LIPC: variants seen among roughly 807,000 people sequenced by gnomAD.
The protein encoded by LIPC is hepatic triacylglycerol lipase.
Under a neutral mutation model 50.7 loss-of-function variants are expected in LIPC, and 44 were observed. That is an observed-to-expected ratio of 0.87 (90% CI 0.68 to 1.11). LIPC has a LOEUF of 1.11. Ranked by LOEUF, LIPC falls within the 50% of genes most tolerant of loss-of-function variation. The pLI is 0.00. For synonymous variants in LIPC, 271 were observed against 256.4 expected (o/e 1.06, Z -0.54); for missense variants, 697 against 648.2 (o/e 1.08, Z -0.82).
At chr15:58,451,369 AT>A (rs1893893520) in intron 1 of LIPC, among the ~76,000 whole-genome samples, 3 of 152,366 alleles carry the variant, frequency 2.0e-5, no homozygotes, top group Admixed American at 2.0e-4. Flanking sequence ...TGTCCAAATT[AT>A]AAGCTTCAGG....
chr15:58,544,687 G>A (rs115693448), intron 4 of LIPC, among the ~76,000 whole-genome samples: 1,956 of 152,242 alleles, frequency 0.013, 48 homozygotes, highest in African/African-American at 0.045. Context: ...GTGAGCCACC[G>A]CACCCGGCCA....
chr15:58,436,704 A>T (rs1286248523), intron 1 of LIPC: 1 of 456,256 alleles, frequency 2.2e-6, no homozygotes, highest in Non-Finnish European at 4.4e-6. Flanking sequence ...GCATGAGATG[A>T]GGACCATGAG....
At chr15:58,568,653 G>A (rs868706856) in intron 8 of LIPC, 63 bp from the exon 9 acceptor site, 3 of 934,774 alleles carry the variant, frequency 3.2e-6, no homozygotes, top group Non-Finnish European at 5.2e-6. Context: ...GATAAAGAAT[G>A]AAACACTTCA....
intron 6 of LIPC, among the ~76,000 whole-genome samples, chr15:58,560,439 C>T (rs2140950406): frequency 1.3e-5 from 2 of 152,246 alleles, no homozygotes; most frequent in South Asian, 4.1e-4. Context: ...CATCAGAGAG[C>T]AGCAATAATG....
At chr15:58,505,952 C>T (rs1273709241) in intron 1 of LIPC, among the ~76,000 whole-genome samples, 5 of 152,292 alleles carry the variant, frequency 3.3e-5, no homozygotes, top group South Asian at 2.1e-4. Context: ...GCGGCTGTTG[C>T]CTCCTTGTGC....
chr15:58,565,199 T>G, intron 8 of LIPC: 1 of 1,535,676 alleles, frequency 6.5e-7, no homozygotes, highest in East Asian at 2.4e-5. Flanking sequence ...AGGATCAATC[T>G]GGGAAGATTA....
intron 1 of LIPC, among the ~76,000 whole-genome samples, chr15:58,441,346 C>G (rs537171628): frequency 6.6e-6 from 1 of 152,338 alleles, no homozygotes; most frequent in African/African-American, 2.4e-5. Flanking sequence ...TTAAAAATAT[C>G]TTATTCTACA....
intron 1 of LIPC, among the ~76,000 whole-genome samples, chr15:58,456,518 G>T (rs572670716): frequency 6.6e-6 from 1 of 152,376 alleles, no homozygotes; most frequent in South Asian, 2.1e-4. Flanking sequence ...CATCTCCCCT[G>T]ATGCAGCCCA....
chr15:58,505,542 GA>G (rs1234392260), intron 1 of LIPC, among the ~76,000 whole-genome samples: 1 of 152,174 alleles, frequency 6.6e-6, no homozygotes, highest in Non-Finnish European at 1.5e-5. Flanking sequence ...AACATTTCAT[GA>G]GTATGAAGAT....
Position 58,471,081 on chromosome 15 carries a change from A to G in LIPC, c.88+38961A>G, listed in dbSNP as rs562814282. 1.2e-4 allele frequency among the ~76,000 whole-genome samples: 18 copies of G among 150,934 alleles called. 1 individual carries two copies. The highest frequency in any genetic ancestry group is 9.8e-4 in the East Asian group (5 of 5,106). On this transcript the variant is annotated intron_variant, in intron 1 of 8. Coordinates refer to ENST00000299022, the MANE Select transcript of LIPC (RefSeq NM_000236.3). ...TTATGGAGGCCTCAGGACATACCCA[A>G]TGACCTAAGGTCTAGGCCAGAGATG...
intron 1 of LIPC, among the ~76,000 whole-genome samples, chr15:58,472,163 C>G (rs28478642): frequency 1.3e-5 from 2 of 148,506 alleles, no homozygotes; most frequent in South Asian, 2.1e-4. Flanking sequence ...CCCAGCTACT[C>G]GGGAGGCTGA....
At chr15:58,542,791 A>C in intron 4 of LIPC, 140 bp downstream of exon 4, 1 of 664,000 alleles carries the variant, frequency 1.5e-6, no homozygotes, top group Admixed American at 2.0e-5. Context: ...GACTTGTGAC[A>C]TTCTTTCAAA....
intron 5 of LIPC, among the ~76,000 whole-genome samples, chr15:58,546,930 T>C (rs1893549815): frequency 1.3e-5 from 2 of 152,074 alleles, no homozygotes; most frequent in South Asian, 4.2e-4. Flanking sequence ...TATCATTGCT[T>C]ACATCCCTCC....
At chr15:58,541,721 G>A in intron 2 of LIPC, 64 bp from the exon 3 acceptor site, 1 of 1,510,636 alleles carries the variant, frequency 6.6e-7, no homozygotes, top group Non-Finnish European at 9.1e-7. Flanking sequence ...AGGAGCTGGA[G>A]AAGGAAGAAG....
chr15:58,552,907 C>G (rs1227693566), intron 6 of LIPC, among the ~76,000 whole-genome samples: 1 of 152,202 alleles, frequency 6.6e-6, no homozygotes, highest in African/African-American at 2.4e-5. Context: ...GGATGAACCA[C>G]TAGCACGGGA....
chr15:58,567,366 T>TAC, intron 8 of LIPC, among the ~76,000 whole-genome samples: 1 of 36,166 alleles, frequency 2.8e-5, no homozygotes. Flanking sequence ...TATGTATATG[T>TAC]ATATATATAT....
intron 1 of LIPC, among the ~76,000 whole-genome samples, chr15:58,509,042 CA>C (rs1892251606): frequency 6.6e-6 from 1 of 152,104 alleles, no homozygotes; most frequent in East Asian, 1.9e-4. Flanking sequence ...AATGAAGGAA[CA>C]AAACTGAGCC....
intron 6 of LIPC, among the ~76,000 whole-genome samples, chr15:58,556,046 G>A (rs1311845849): frequency 1.3e-5 from 2 of 152,312 alleles, no homozygotes; most frequent in East Asian, 1.9e-4. Flanking sequence ...GAGGACAGCA[G>A]GGGTAGAGGG....
intron 1 of LIPC, among the ~76,000 whole-genome samples, chr15:58,512,367 G>T (rs867840343): frequency 2.4e-4 from 37 of 152,190 alleles, no homozygotes; most frequent in African/African-American, 8.2e-4. Flanking sequence ...CCAAAGTGTT[G>T]TTGGGATTAC....
Sources: gnomAD v4.1 joint callset for allele counts (sites outside exome capture counted in the v4.1 genomes callset) on GRCh38, gnomAD v4.1.1 for gene constraint, MANE v1.5 for transcripts, NCBI Gene and HGNC (gene_info 2026-07-23, HGNC 2026-07-21) for gene names.